STK3: variants seen among roughly 807,000 people sequenced by gnomAD.
The protein encoded by STK3 is serine/threonine-protein kinase 3.
In STK3, 41 loss-of-function variants were observed where a neutral mutation model predicts 58.0. The observed-to-expected ratio is 0.71, with a 90% confidence interval of 0.55 to 0.92. The LOEUF (loss-of-function observed/expected upper bound fraction) is 0.92, where lower values mean the gene tolerates loss of function less well. Among genes scored for constraint, STK3 ranks in the 40% least tolerant of loss-of-function variants. The pLI, the probability that STK3 is intolerant of heterozygous loss-of-function variation, is 0.00. For synonymous variants in STK3, 170 were observed against 191.0 expected, an observed-to-expected ratio of 0.89 and a Z score of 0.91; for missense variants, 479 against 602.7, an observed-to-expected ratio of 0.79 and a Z score of 2.15.
chr8:98,929,702 G>T lies in STK3; in HGVS notation c.-79+12676C>A, dbSNP rs192171331. On this transcript the variant is annotated intron_variant, in intron 1 of 1. Coordinates refer to the STK3 transcript ENST00000519420. ...GATCAGGTTAGTACAATTAAATTGT[G>T]CCAGCCTCTTGGTCTCCCTTGACAA... Among the ~76,000 whole-genome samples the T allele has an allele frequency of 2.0e-5, 3 of 152,294 alleles. No individual in the cohort carries two copies. The East Asian group carries it at 5.8e-4, about 29-fold the overall frequency.
intron 1 of STK3, among the ~76,000 whole-genome samples, chr8:98,824,835 CTG>C (rs2131752204): frequency 6.6e-6 from 1 of 152,300 alleles, no homozygotes; most frequent in East Asian, 1.9e-4. Context: ...AAATGAAAGA[CTG>C]AGGTTAAATA....
At chr8:98,896,766 G>A (rs866692161) in intron 1 of STK3, among the ~76,000 whole-genome samples, 5 of 152,084 alleles carry the variant, frequency 3.3e-5, no homozygotes, top group Middle Eastern at 3.4e-3. Context: ...ATCACTTGAG[G>A]TCAGGAGTTT....
At chr8:98,926,546 TACACACACATGC>T (rs1839805745) in intron 1 of STK3, among the ~76,000 whole-genome samples, 1 of 151,696 alleles carries the variant, frequency 6.6e-6, no homozygotes, top group Non-Finnish European at 1.5e-5. Flanking sequence ...AGTAAAACAA[TACACACACATGC>T]ACACACACAC....
intron 4 of STK3, among the ~76,000 whole-genome samples, chr8:98,709,377 A>G (rs1445736923): frequency 6.6e-6 from 1 of 152,212 alleles, no homozygotes; most frequent in Non-Finnish European, 1.5e-5. Flanking sequence ...AGGAAAAAAA[A>G]AGATTAAAAT....
chr8:98,814,296 C>A (rs1447872063), intron 1 of STK3, among the ~76,000 whole-genome samples: 1 of 151,762 alleles, frequency 6.6e-6, no homozygotes, highest in African/African-American at 2.4e-5. Flanking sequence ...GGTGATCCAC[C>A]TGCCTCAACC....
intron 1 of STK3, among the ~76,000 whole-genome samples, chr8:98,797,807 T>C (rs1456926343): frequency 2.6e-5 from 4 of 152,184 alleles, no homozygotes; most frequent in African/African-American, 7.2e-5. Context: ...GTAGAATTTG[T>C]CCAGAGTTAG....
At chr8:98,747,477 T>C (rs967957613) in intron 4 of STK3, among the ~76,000 whole-genome samples, 5 of 152,162 alleles carry the variant, frequency 3.3e-5, no homozygotes, top group African/African-American at 1.2e-4. Flanking sequence ...TGAAAGCCAG[T>C]CAGTCAGTAA....
intron 6 of STK3, among the ~76,000 whole-genome samples, chr8:98,640,040 CCTATT>C (rs576356984): frequency 2.0e-5 from 3 of 152,098 alleles, no homozygotes; most frequent in Admixed American, 6.5e-5. Context: ...TTCCATATTC[CCTATT>C]CTATTCTATT....
chr8:98,852,805 C>A (rs1836526659), intron 3 of STK3, among the ~76,000 whole-genome samples: 1 of 152,146 alleles, frequency 6.6e-6, no homozygotes, highest in Non-Finnish European at 1.5e-5. Flanking sequence ...AAAATAAACC[C>A]CATGTTACTT....
rs534262699 is a variant in STK3 at position 98,666,833 on chromosome 8, A to G, written c.684+39634T>C. On this transcript the variant is annotated intron_variant, in intron 6 of 10. Coordinates refer to ENST00000419617, the MANE Select transcript of STK3 (RefSeq NM_006281.4). ...TGACATTTTACAATGTCCCAAACAC[A>G]TGAATCAATCATACAGCAGGTGGAA... is the stretch of plus-strand genomic sequence containing the variant. 9.8e-5 allele frequency among the ~76,000 whole-genome samples: 15 copies of G among 152,336 alleles called. No individual in the cohort carries two copies. In the East Asian group the frequency reaches 2.5e-3, roughly 25 times the overall value.
chr8:98,830,027 G>A (rs1482612210), upstream of STK3, among the ~76,000 whole-genome samples: 1 of 152,068 alleles, frequency 6.6e-6, no homozygotes, highest in Non-Finnish European at 1.5e-5. Flanking sequence ...AGCAGTTTGA[G>A]ACCAGCTTGG....
At chr8:98,932,453 A>AG (rs1840034820) in intron 1 of STK3, among the ~76,000 whole-genome samples, 2 of 152,240 alleles carry the variant, frequency 1.3e-5, no homozygotes, top group African/African-American at 2.4e-5. Flanking sequence ...CCAGGGAAAC[A>AG]GTACTCCCCA....
At chr8:98,515,064 G>C (rs1224055611) in intron 10 of STK3, among the ~76,000 whole-genome samples, 1 of 151,966 alleles carries the variant, frequency 6.6e-6, no homozygotes, top group Non-Finnish European at 1.5e-5. Context: ...ATGATTTCTT[G>C]AATGTAGACT....
chr8:98,881,675 C>G (rs1420583410), downstream of STK3: 1 of 152,022 alleles, frequency 6.6e-6, no homozygotes, highest in Non-Finnish European at 1.5e-5. Flanking sequence ...GTTCTGTAAA[C>G]CTAAAACTGC....
the STK3 span, among the ~76,000 whole-genome samples, chr8:98,346,516 A>G: frequency 1.3e-5 from 2 of 152,052 alleles, no homozygotes; most frequent in African/African-American, 4.8e-5. Flanking sequence ...AGCATATGAA[A>G]ATAAAATTTC....
intron 10 of STK3, among the ~76,000 whole-genome samples, chr8:98,505,609 A>G (rs879419374): frequency 6.6e-6 from 1 of 152,074 alleles, no homozygotes; most frequent in Admixed American, 6.5e-5. Context: ...TGTTGATGCT[A>G]TTCCTTTCTG....
chr8:98,503,797 T>A (rs530950333), intron 10 of STK3, among the ~76,000 whole-genome samples: 46 of 152,326 alleles, frequency 3.0e-4, no homozygotes, highest in African/African-American at 1.1e-3. Context: ...TCTTTTACAT[T>A]TGCTGAGGAA....
At chr8:98,848,665 G>A (rs1836311244) in intron 3 of STK3, among the ~76,000 whole-genome samples, 1 of 152,148 alleles carries the variant, frequency 6.6e-6, no homozygotes, top group Non-Finnish European at 1.5e-5. Flanking sequence ...TCATCCTTGT[G>A]GTAGCATATA....
At chr8:98,468,543 G>A (rs1003512440) in intron 10 of STK3, among the ~76,000 whole-genome samples, 17 of 152,304 alleles carry the variant, frequency 1.1e-4, no homozygotes, top group African/African-American at 3.8e-4. Flanking sequence ...ATCGTCGCCT[G>A]AATGAAACTG....
Sources: gnomAD v4.1 joint callset for allele counts (sites outside exome capture counted in the v4.1 genomes callset) on GRCh38, gnomAD v4.1.1 for gene constraint, MANE v1.5 for transcripts, NCBI Gene and HGNC (gene_info 2026-07-23, HGNC 2026-07-21) for gene names.